ANTXR2: variants seen among roughly 807,000 people sequenced by gnomAD.
ANTXR2 encodes ANTXR cell adhesion molecule 2, also known as anthrax toxin receptor 2.
In ANTXR2, 44 loss-of-function variants were observed where a neutral mutation model predicts 73.7. The ratio of observed to expected loss-of-function variants is 0.60; its 90% confidence interval spans 0.47 to 0.77. The LOEUF is 0.77. Ranked by LOEUF, ANTXR2 falls within the 30% of genes least tolerant of loss-of-function variation. ANTXR2 has a pLI of 0.00. For synonymous variants in ANTXR2, 217 were observed against 205.9 expected (o/e 1.05, Z -0.46); for missense variants, 604 against 592.5 (o/e 1.02, Z -0.20).
Position 79,901,659 on chromosome 4 carries a change from T to C in ANTXR2, c.*5770A>G, listed in dbSNP as rs1407298408. The C allele has an allele frequency of 6.5e-6, 1 of 154,380 alleles. No individual in the cohort carries two copies. Among genetic ancestry groups the C allele is most frequent in the Admixed American group, 6.6e-5 (1 of 15,234 alleles). The allele number at this position is 154,380 out of a possible 1,614,324, so 9.6% of individuals were successfully genotyped here. A position where few individuals can be genotyped will look rare whatever the true frequency, so the allele number is the denominator to read the frequency against. The stretch of plus-strand genomic sequence containing the variant: ...TTTATTTCTATTATTATTACATTGT[T>C]ATATATAATGAAATAATTACACAAC... On this transcript the variant is annotated 3_prime_UTR_variant, in exon 17 of 17. Transcript: ENST00000403729.
intron 16 of ANTXR2, among the ~76,000 whole-genome samples, chr4:79,944,486 T>C (rs1185390022): frequency 6.8e-6 from 1 of 146,918 alleles, no homozygotes; most frequent in Non-Finnish European, 1.5e-5. Flanking sequence ...ACCAAAAACA[T>C]GATGTACTGC....
At chr4:79,937,946 A>G (rs1337533103) in intron 16 of ANTXR2, among the ~76,000 whole-genome samples, 1 of 131,390 alleles carries the variant, frequency 7.6e-6, no homozygotes, top group Non-Finnish European at 1.6e-5. Flanking sequence ...TCCCTTTCCG[A>G]GTCAAAGAAA....
chr4:79,944,778 A>C (rs916772251), intron 16 of ANTXR2, among the ~76,000 whole-genome samples: 1 of 151,934 alleles, frequency 6.6e-6, no homozygotes, highest in Admixed American at 6.6e-5. Context: ...CTGCTGGCAG[A>C]CTCTTCTGCC....
intron 3 of ANTXR2, among the ~76,000 whole-genome samples, chr4:80,061,294 G>GTGTGTA (rs67530922): frequency 2.0e-5 from 3 of 151,772 alleles, no homozygotes; most frequent in Admixed American, 2.0e-4. Context: ...CTGTGTGTGT[G>GTGTGTA]TGTGTGTGTG....
rs1211909862 is a variant in ANTXR2 at position 79,931,446 on chromosome 4, TTCTTCTC to T, written c.1429-23986_1429-23980del. ...GTAAAATGTTCTAGGATTTCCTCGC[TTCTTCTC>T]TCTCTCTCTCTCTCTCTCTCTCTCT... is the stretch of plus-strand genomic sequence containing the variant. On this transcript the variant is annotated intron_variant, in intron 16 of 16. Transcript: ENST00000403729. Among the ~76,000 whole-genome samples the T allele has an allele frequency of 8.7e-3, 1,106 of 127,216 alleles. 20 individuals carry two copies. The highest frequency in any genetic ancestry group is 0.028 in the African/African-American group (1,046 of 36,862). 83.5% of individuals were successfully genotyped at this position (127,216 alleles called of 152,430 possible). A position where few individuals can be genotyped will look rare whatever the true frequency, so the allele number is the denominator to read the frequency against.
chr4:79,994,113 T>G (rs1389145254), intron 12 of ANTXR2, among the ~76,000 whole-genome samples: 1 of 151,958 alleles, frequency 6.6e-6, no homozygotes, highest in Non-Finnish European at 1.5e-5. Flanking sequence ...TTCACAAAAT[T>G]TATTGATAGT....
At chr4:79,957,188 C>T (rs1728921581) in intron 16 of ANTXR2, among the ~76,000 whole-genome samples, 1 of 152,076 alleles carries the variant, frequency 6.6e-6, no homozygotes, top group African/African-American at 2.4e-5. Context: ...TTTGAGAACC[C>T]TCCAAGAGTC....
At position 80,072,511 on chromosome 4, in the gene ANTXR2, G is replaced by A. The variant is rs1217816889; in HGVS notation, c.50C>T (p.Pro17Leu). Residue 17 changes from proline to leucine, a missense_variant, in exon 1 of 17, where the codon CCC becomes CTC. By Grantham distance (98) the Pro-to-Leu change is moderately conservative. Coordinates refer to ENST00000403729, the MANE Select transcript of ANTXR2 (RefSeq NM_058172.6). The part of the protein sequence containing the change: ...PARSPGSWLF[P>L]GLWLLVLSGP... ...GCTGAGCACCAACAGCCACAGCCCG[G>A]GGAACAGCCAGCTCCCGGGGCTGCG... The A allele has an allele frequency of 1.9e-6, 3 of 1,604,482 alleles. No homozygotes were observed. The highest frequency in any genetic ancestry group is 2.6e-6 in the Non-Finnish European group (3 of 1,176,244).
At chr4:80,060,778 T>A (rs1239238393) in intron 3 of ANTXR2, among the ~76,000 whole-genome samples, 1 of 152,184 alleles carries the variant, frequency 6.6e-6, no homozygotes, top group African/African-American at 2.4e-5. Context: ...ACCTGTTGTT[T>A]CAGTCATCAA....
chr4:80,023,971 G>T (rs534522927), intron 10 of ANTXR2, among the ~76,000 whole-genome samples: 1 of 152,206 alleles, frequency 6.6e-6, no homozygotes, highest in Non-Finnish European at 1.5e-5. Flanking sequence ...TCTTGTTACA[G>T]TGTAAGGCAG....
chr4:80,060,488 A>G (rs1044751951), intron 3 of ANTXR2, among the ~76,000 whole-genome samples: 7 of 152,220 alleles, frequency 4.6e-5, no homozygotes, highest in African/African-American at 1.7e-4. Flanking sequence ...CTCTTAAACC[A>G]TAAATAGTTT....
intron 12 of ANTXR2, among the ~76,000 whole-genome samples, chr4:79,992,760 A>G (rs775963177): frequency 6.6e-6 from 1 of 152,110 alleles, no homozygotes; most frequent in Non-Finnish European, 1.5e-5. Context: ...AACAAAATCA[A>G]AGCTACCCTA....
At chr4:79,966,685 TATCAC>T (rs1729378334) in intron 16 of ANTXR2, among the ~76,000 whole-genome samples, 1 of 152,190 alleles carries the variant, frequency 6.6e-6, no homozygotes, top group African/African-American at 2.4e-5. Context: ...ATACAGATTA[TATCAC>T]TGCCCCATGC....
chr4:80,033,945 T>G (rs1732829533), intron 8 of ANTXR2, among the ~76,000 whole-genome samples: 1 of 152,068 alleles, frequency 6.6e-6, no homozygotes, highest in Non-Finnish European at 1.5e-5. Flanking sequence ...TTTTCCCTAC[T>G]CTCAGGTATT....
chr4:80,000,178 T>C (rs558084852), intron 12 of ANTXR2, among the ~76,000 whole-genome samples: 2 of 152,212 alleles, frequency 1.3e-5, no homozygotes, highest in Non-Finnish European at 2.9e-5. Context: ...AGTTTCATTA[T>C]AATTAATAAA....
intron 16 of ANTXR2, among the ~76,000 whole-genome samples, chr4:79,975,298 T>C (rs1729580678): frequency 6.6e-6 from 1 of 152,232 alleles, no homozygotes; most frequent in African/African-American, 2.4e-5. Context: ...CATTCCAGAA[T>C]AGATCTTATT....
intron 10 of ANTXR2, among the ~76,000 whole-genome samples, chr4:80,031,267 CACACACATGTGTGTGCG>C (rs1732678135): frequency 1.6e-5 from 1 of 61,262 alleles, no homozygotes; most frequent in Non-Finnish European, 5.3e-5. Context: ...TGTGTGCATG[CACACACATGTGTGTGCG>C]TGTGCATGTG....
intron 16 of ANTXR2, among the ~76,000 whole-genome samples, chr4:79,945,120 A>G (rs951102179): frequency 6.6e-6 from 1 of 152,122 alleles, no homozygotes; most frequent in African/African-American, 2.4e-5. Context: ...CCTTTCTGCC[A>G]CATTTCTTAT....
intron 7 of ANTXR2, among the ~76,000 whole-genome samples, chr4:80,050,124 T>G (rs1405354074): frequency 1.3e-5 from 2 of 151,796 alleles, no homozygotes; most frequent in Non-Finnish European, 2.9e-5. Flanking sequence ...TCTGAATTTC[T>G]AATTAGTACT....
Sources: allele counts gnomAD v4.1 joint callset (sites outside exome capture counted in the v4.1 genomes callset), GRCh38; gene constraint gnomAD v4.1.1; transcripts MANE v1.5; gene names NCBI Gene and HGNC (gene_info 2026-07-23, HGNC 2026-07-21).